Variants in DCDC2 observed in about 807,000 individuals in gnomAD.
DCDC2 encodes the protein doublecortin domain-containing protein 2.
In DCDC2, 40 loss-of-function variants were observed where a neutral mutation model predicts 50.2. That is an observed-to-expected ratio of 0.80 (90% CI 0.62 to 1.04). The LOEUF is 1.04. DCDC2 is among the 50% of genes least tolerant of loss of function. DCDC2 has a pLI of 0.00. For synonymous variants in DCDC2, 234 were observed against 210.6 expected, an observed-to-expected ratio of 1.11 and a Z score of -0.96; for missense variants, 570 against 581.9, an observed-to-expected ratio of 0.98 and a Z score of 0.21.
At chr6:24,290,097 C>A (rs1763710293) in intron 5 of DCDC2, among the ~76,000 whole-genome samples, 1 of 143,648 alleles carries the variant, frequency 7.0e-6, no homozygotes, top group Non-Finnish European at 1.5e-5. Flanking sequence ...GGGTTCACGC[C>A]ATTCTCCTGC....
chr6:24,194,456 A>G (rs1457294986), intron 8 of DCDC2, among the ~76,000 whole-genome samples: 2 of 152,218 alleles, frequency 1.3e-5, no homozygotes, highest in Non-Finnish European at 2.9e-5. Context: ...AAAACAAACC[A>G]AAATCACTCC....
intron 6 of DCDC2, among the ~76,000 whole-genome samples, chr6:24,284,304 G>T (rs1393322848): frequency 1.3e-5 from 2 of 152,072 alleles, no homozygotes; most frequent in South Asian, 4.2e-4. Flanking sequence ...CAGCCAGAAT[G>T]AGCACTTAAA....
intron 2 of DCDC2, among the ~76,000 whole-genome samples, chr6:24,327,867 G>A (rs62400444): frequency 0.072 from 10,939 of 152,180 alleles, 407 homozygotes; most frequent in African/African-American, 0.1. Context: ...CCTCTCAAAT[G>A]TGCTTGTCTT....
intron 8 of DCDC2, among the ~76,000 whole-genome samples, chr6:24,185,190 C>A (rs950902507): frequency 1.3e-5 from 2 of 152,088 alleles, no homozygotes; most frequent in African/African-American, 4.8e-5. Flanking sequence ...CTGGTATATA[C>A]CCTAATTTCT....
chr6:24,248,438 C>G (rs1196587175), intron 7 of DCDC2, among the ~76,000 whole-genome samples: 1 of 152,140 alleles, frequency 6.6e-6, no homozygotes, highest in Non-Finnish European at 1.5e-5. Flanking sequence ...TTAAATTATA[C>G]AACATGCACA....
chr6:24,256,474 A>C (rs1395814708), intron 7 of DCDC2, among the ~76,000 whole-genome samples: 1 of 152,064 alleles, frequency 6.6e-6, no homozygotes, highest in Non-Finnish European at 1.5e-5. Flanking sequence ...TAAAAAGCTT[A>C]TTTTTTAAAT....
chr6:24,346,236 G>A (rs772206330), intron 2 of DCDC2, among the ~76,000 whole-genome samples: 3 of 151,854 alleles, frequency 2.0e-5, no homozygotes, highest in Non-Finnish European at 4.4e-5. Context: ...AACTTGTTCT[G>A]TATTAGAAAT....
At chr6:24,355,856 T>G (rs959973688) in intron 1 of DCDC2, among the ~76,000 whole-genome samples, 1 of 152,204 alleles carries the variant, frequency 6.6e-6, no homozygotes, top group Non-Finnish European at 1.5e-5. Flanking sequence ...TTCAAGAATT[T>G]TAGTGATATT....
chr6:24,302,667 T>A (rs1303179441), intron 2 of DCDC2, among the ~76,000 whole-genome samples: 1 of 151,960 alleles, frequency 6.6e-6, no homozygotes, highest in Non-Finnish European at 1.5e-5. Flanking sequence ...GCTTCCAGGG[T>A]CCCAGCTGCT....
chr6:24,177,268 C>T lies in DCDC2; in HGVS notation c.1326+1062G>A, dbSNP rs1197824454. ...GAGAAAAGATAAGAGACATGCTGAG[C>T]ATTTTCATTTAGATGTTAAGAACAT... On this transcript the variant is annotated intron_variant, in intron 9 of 9. Coordinates refer to ENST00000378454, the MANE Select transcript of DCDC2 (RefSeq NM_016356.5). Among the ~76,000 whole-genome samples, 3 of 152,188 alleles carry T rather than the reference C, an allele frequency of 2.0e-5. No homozygotes were observed. In the East Asian group the frequency reaches 5.8e-4, roughly 29 times the overall value.
chr6:24,195,564 A>G (rs1561885669), intron 8 of DCDC2, among the ~76,000 whole-genome samples: 1 of 152,276 alleles, frequency 6.6e-6, no homozygotes, highest in East Asian at 1.9e-4. Context: ...GAGTTTCCCA[A>G]TCTCAGCTCT....
At chr6:24,358,815 A>AT (rs1554121630), upstream of DCDC2, among the ~76,000 whole-genome samples, 19 of 51,018 alleles carry the variant, frequency 3.7e-4, 1 homozygote, top group Admixed American at 1.1e-3. Context: ...ATTATATATA[A>AT]ATATATATAT....
At chr6:24,358,683 G>T, upstream of DCDC2, among the ~76,000 whole-genome samples, 1 of 81,636 alleles carries the variant, frequency 1.2e-5, no homozygotes, top group African/African-American at 3.9e-5. Flanking sequence ...CCCTGTCTTA[G>T]AAAATAAAAT....
At chr6:24,355,110 T>C (rs1760441700) in intron 1 of DCDC2, among the ~76,000 whole-genome samples, 2 of 152,198 alleles carry the variant, frequency 1.3e-5, no homozygotes, top group African/African-American at 4.8e-5. Flanking sequence ...CCGTAGATAC[T>C]ACTTCTTTAA....
At chr6:24,205,314 T>C (rs1561889556) in intron 7 of DCDC2, 1 of 1,534,526 alleles carries the variant, frequency 6.5e-7, no homozygotes. Context: ...AAAACAAGGC[T>C]GACCCAGCAG....
At position 24,330,074 on chromosome 6, in the gene DCDC2, AATT is replaced by A. The variant is rs563100247; in HGVS notation, c.348+23492_348+23494del. 1.8e-4 allele frequency among the ~76,000 whole-genome samples: 27 copies of A among 152,278 alleles called. 1 individual carries two copies. Among genetic ancestry groups the A allele is most frequent in the African/African-American group, 6.5e-4 (27 of 41,558 alleles). ...AACCCATTATCAGGGACTACTGTAG[AATT>A]ATTATTATTTTTTAAATTCCACTAA... On this transcript the variant is annotated intron_variant, in intron 2 of 9. Coordinates refer to ENST00000378454, the MANE Select transcript of DCDC2 (RefSeq NM_016356.5).
At chr6:24,376,876 G>A in the DCDC2 span, among the ~76,000 whole-genome samples, 1 of 149,470 alleles carries the variant, frequency 6.7e-6, no homozygotes, top group African/African-American at 2.5e-5. Context: ...ATGCTGAGAT[G>A]CAACCACATA....
At chr6:24,247,961 A>G (rs935409944) in intron 7 of DCDC2, among the ~76,000 whole-genome samples, 7 of 152,212 alleles carry the variant, frequency 4.6e-5, no homozygotes, top group African/African-American at 1.7e-4. Context: ...CTGTAATCCC[A>G]GCTTCTCAGG....
chr6:24,220,863 AGAGAGCAAGAGAGC>A (rs1581594465), intron 7 of DCDC2, among the ~76,000 whole-genome samples: 1 of 12,840 alleles, frequency 7.8e-5, no homozygotes, highest in Admixed American at 9.5e-4. Context: ...GGAGAGAGAC[AGAGAGCAAGAGAGC>A]GAGAGCGAGA....
Sources: allele counts gnomAD v4.1 joint callset (sites outside exome capture counted in the v4.1 genomes callset), GRCh38; gene constraint gnomAD v4.1.1; transcripts MANE v1.5; gene names NCBI Gene and HGNC (gene_info 2026-07-23, HGNC 2026-07-21).